The following PROZ variants were observed in gnomAD, a reference collection of about 807,000 sequenced individuals.
PROZ encodes the protein protein Z, vitamin K dependent plasma glycoprotein, also known as vitamin K-dependent protein Z.
Under a neutral mutation model 34.9 loss-of-function variants are expected in PROZ, and 46 were observed. The ratio of observed to expected loss-of-function variants is 1.32; its 90% CI spans 1.04 to 1.69. The LOEUF (loss-of-function observed/expected upper bound fraction) is 1.69. Among genes scored for constraint, PROZ ranks in the 40% most tolerant of loss-of-function variants. PROZ has a pLI of 0.00. For synonymous variants in PROZ, 195 were observed against 208.5 expected (o/e 0.94, Z 0.56); for missense variants, 530 against 520.4 (o/e 1.02, Z -0.18).
Position 113,165,189 on chromosome 13 carries a change from T to C in PROZ, c.573+69T>C, listed in dbSNP as rs948933595. 3.7e-5 allele frequency: 56 copies of C among 1,496,566 alleles called. No homozygotes were observed. The Admixed American group carries it at 5.0e-4, about 13-fold the overall frequency. The allele number at this position is 1,496,566 out of a possible 1,614,324, so 92.7% of individuals were successfully genotyped here. ...TTCACCTCACTTGTCATTTCCTAAA[T>C]AGAAATGTTGACAACTAAGTGAATC... is the stretch of plus-strand genomic sequence containing the variant. On this transcript the variant is annotated intron_variant, in intron 6 of 7. Transcript: ENST00000375547.
rs375694607 is a variant in PROZ at position 113,160,158 on chromosome 13, T to C, written c.215T>C (p.Phe72Ser). ...GTCTATGAAGAAGCAAGAGAAGTGT[T>C]TGAAAATGAAGTAGTCACTGTATGT... is the stretch of plus-strand genomic sequence containing the variant. ...ICVYEEAREV[F>S]ENEVVTDEFW... Residue 72 changes from phenylalanine to serine, a missense_variant, in exon 2 of 8, where the codon TTT becomes TCT. By Grantham distance (155) the Phe-to-Ser change is radical (BLOSUM62 -2). Coordinates refer to ENST00000375547, the MANE Select transcript of PROZ (RefSeq NM_003891.3). 3.7e-6 allele frequency: 6 copies of C among 1,613,994 alleles called. No individual in the cohort carries two copies. The highest frequency in any genetic ancestry group is 1.7e-5 in the Admixed American group (1 of 59,998).
chr13:113,164,574 G>A lies in PROZ; in HGVS notation c.435G>A (p.Gln145=). The A allele has an allele frequency of 1.2e-6, 2 of 1,613,756 alleles. No individual in the cohort carries two copies. The highest frequency in any genetic ancestry group is 1.7e-6 in the Non-Finnish European group (2 of 1,180,002). Residue 145 remains glutamine, a synonymous_variant, in exon 5 of 8, where the codon CAG becomes CAA. Transcript: ENST00000375547. ...GTCAACACTTCTGCCTCCCAGGACA[G>A]GAATCCTACACATGCAGCTGTGCTC... is the stretch of plus-strand genomic sequence containing the variant. The part of the protein sequence containing the change: ...DGCQHFCLPG[Q]ESYTCSCAQG...
Position 113,172,338 on chromosome 13 carries a change from A to G in PROZ, c.*233A>G, listed in dbSNP as rs45613935. On this transcript the variant is annotated 3_prime_UTR_variant, in exon 8 of 8. Transcript: ENST00000375547. ...CTCAATAGAGACCTTAAAAGAAAACATGAGATACGTTAAATAATAAAATAA... is the reference window on the plus strand; with the variant it reads ...CTCAATAGAGACCTTAAAAGAAAACGTGAGATACGTTAAATAATAAAATAA... 1.2e-3 allele frequency: 684 copies of G among 576,774 alleles called. 2 individuals are homozygous for G. Among genetic ancestry groups the G allele is most frequent in the South Asian group, 3.0e-3 (149 of 50,296 alleles). 35.7% of individuals were successfully genotyped at this position (576,774 alleles called of 1,614,324 possible).
rs2138570439 is a variant in PROZ at position 113,158,834 on chromosome 13, C to G, written c.70+104C>G. The stretch of plus-strand genomic sequence containing the variant: ...GCTTTTTCCAGGAGCCAGAGGAGCC[C>G]TGAGTGCCCAGACTAGTCTTAATTC... On this transcript the variant is annotated intron_variant, in intron 1 of 7. Coordinates refer to ENST00000375547, the MANE Select transcript of PROZ (RefSeq NM_003891.3). This position sits in a 1 kb window ranked among gnomAD's most constrained non-coding sequence, Gnocchi z 4.3. The G allele has an allele frequency of 8.7e-7, 1 of 1,154,204 alleles. No homozygotes were observed. The highest frequency in any genetic ancestry group is 2.5e-5 in the East Asian group (1 of 39,336). The allele number at this position is 1,154,204 out of a possible 1,614,324, so 71.5% of individuals were successfully genotyped here.
intron 2 of PROZ, among the ~76,000 whole-genome samples, 160 bp from the exon 3 acceptor site, chr13:113,160,786 AAC>A (rs1360397816): frequency 6.6e-6 from 1 of 152,214 alleles, no homozygotes; most frequent in Non-Finnish European, 1.5e-5. Flanking sequence ...ATTTAACATA[AAC>A]AAATAGGCTG....
Position 113,158,668 on chromosome 13 carries a change from G to A in PROZ, c.8G>A (p.Gly3Asp), listed in dbSNP as rs2036704785. Residue 3 changes from glycine to aspartate, a missense_variant, in exon 1 of 8, where the codon GGC (glycine) becomes GAC (aspartate). Transcript: ENST00000375547. The surrounding 1 kb of genome is among the most constrained non-coding windows in gnomAD (Gnocchi z 4.3). Reference protein sequence around the residue: MAGCVPLLQGLVL... With the variant: MADCVPLLQGLVL... ...CCAGCGCTCCGGGTGGGAATGGCAG[G>A]CTGCGTCCCACTGCTCCAGGGCCTG... The A allele has an allele frequency of 1.2e-6, 2 of 1,603,632 alleles. No homozygotes were observed. Among genetic ancestry groups the A allele is most frequent in the Admixed American group, 3.4e-5 (2 of 59,074 alleles).
intron 3 of PROZ, 32 bp from the exon 4 acceptor site, chr13:113,162,974 TCAC>T (rs1373328604): frequency 1.5e-5 from 21 of 1,393,512 alleles, no homozygotes; most frequent in Admixed American, 8.2e-5. Flanking sequence ...CCCGTTCCTG[TCAC>T]CACCACCCCA....
rs545857272 is a variant in PROZ at position 113,159,502 on chromosome 13, G to A, written c.71-512G>A. On this transcript the variant is annotated intron_variant, in intron 1 of 7. Transcript: ENST00000375547. The surrounding 1 kb of genome is among the most constrained non-coding windows in gnomAD (Gnocchi z 4.6). The stretch of plus-strand genomic sequence containing the variant: ...GAACATGCTTTGGGACCCTCAGGTG[G>A]GAAGAGGCTCCAGAGACCACTGCCG... 4.7e-4 allele frequency among the ~76,000 whole-genome samples: 72 copies of A among 152,300 alleles called. No homozygotes were observed. The highest frequency in any genetic ancestry group is 1.7e-3 in the African/African-American group (72 of 41,564).
chr13:113,160,886 C>A, intron 2 of PROZ, 62 bp from the exon 3 acceptor site: 1 of 1,400,780 alleles, frequency 7.1e-7, no homozygotes, highest in Non-Finnish European at 1.0e-6. Flanking sequence ...AGTTCATCTA[C>A]AGGAAAGAAT....
rs148806209 is a variant in PROZ at position 113,161,558 on chromosome 13, C to T, written c.259+586C>T. On this transcript the variant is annotated intron_variant, in intron 3 of 7. Transcript: ENST00000375547. Reference sequence around the variant, plus strand: ...GGGGACAACTGGGCACAGAAGGAAGCGGGAGAGGCAGGGAAGGCCGGAGAA... The same window carrying T: ...GGGGACAACTGGGCACAGAAGGAAGTGGGAGAGGCAGGGAAGGCCGGAGAA... Among the ~76,000 whole-genome samples the T allele has an allele frequency of 8.5e-5, 13 of 152,148 alleles. 1 individual carries two copies. Among genetic ancestry groups the T allele is most frequent in the East Asian group, 1.9e-4 (1 of 5,156 alleles).
In PROZ at chr13:113,159,905, G is replaced by A. The variant is rs1227395764; in HGVS notation, c.71-109G>A. On this transcript the variant is annotated intron_variant, in intron 1 of 7. Transcript: ENST00000375547. The surrounding 1 kb of genome is among the most constrained non-coding windows in gnomAD (Gnocchi z 4.6). ...AGGCCCTCGCAGGCTGAGAGCCTGT[G>A]GAGACGGACGGGGCTGGGGCTGGCG... The A allele has an allele frequency of 3.0e-6, 4 of 1,348,534 alleles. No individual in the cohort carries two copies. The highest frequency in any genetic ancestry group is 2.9e-5 in the African/African-American group (2 of 69,752). The allele number at this position is 1,348,534 out of a possible 1,614,324, so 83.5% of individuals were successfully genotyped here. A position where few individuals can be genotyped will look rare whatever the true frequency, so the allele number is the denominator to read the frequency against.
chr13:113,169,152 C>A (rs2037036131), intron 6 of PROZ, among the ~76,000 whole-genome samples: 1 of 152,154 alleles, frequency 6.6e-6, no homozygotes, highest in Admixed American at 6.5e-5. Flanking sequence ...TTTCAAAAAT[C>A]TCCGTTCTCT....
In PROZ at chr13:113,171,673, G is replaced by C. The variant is rs749067112; in HGVS notation, c.771G>C (p.Ala257=). The part of the protein sequence containing the change: ...VHVHMRYDAD[A]GENDLSLLEL... Reference sequence around the variant, plus strand: ...TGCACATGCGGTATGACGCGGACGCGGGGGAGAATGACCTGTCACTGCTGG... The same window carrying C: ...TGCACATGCGGTATGACGCGGACGCCGGGGAGAATGACCTGTCACTGCTGG... Residue 257 remains alanine, a synonymous_variant, in exon 8 of 8, where the codon GCG becomes GCC. Coordinates refer to ENST00000375547, the MANE Select transcript of PROZ (RefSeq NM_003891.3). The surrounding 1 kb of genome is among the most constrained non-coding windows in gnomAD (Gnocchi z 5.1). 3.7e-6 allele frequency: 6 copies of C among 1,613,884 alleles called. No homozygotes were observed. Among genetic ancestry groups the C allele is most frequent in the Non-Finnish European group, 4.2e-6 (5 of 1,180,014 alleles).
At chr13:113,169,806 C>A (rs927290989) in intron 6 of PROZ, among the ~76,000 whole-genome samples, 1 of 152,222 alleles carries the variant, frequency 6.6e-6, no homozygotes, top group Non-Finnish European at 1.5e-5. Context: ...TCTTACCCGG[C>A]CATAATTAGT....
At chr13:113,167,087 A>C (rs564528844) in intron 6 of PROZ, among the ~76,000 whole-genome samples, 2 of 152,238 alleles carry the variant, frequency 1.3e-5, no homozygotes, top group African/African-American at 2.4e-5. Flanking sequence ...AAACTTTGAA[A>C]AGGAGAATAA....
chr13:113,165,339 CT>C (rs919362631), intron 6 of PROZ, among the ~76,000 whole-genome samples: 2 of 152,176 alleles, frequency 1.3e-5, no homozygotes, highest in Non-Finnish European at 2.9e-5. Flanking sequence ...CCCCCAAGAC[CT>C]TTCCTCTGCA....
rs1566929100 is a variant in PROZ, at chr13:113,165,013, G to A, written c.506-40G>A. On this transcript the variant is annotated intron_variant, in intron 5 of 7. Transcript: ENST00000375547. ...GACAGAGTCCGATATTCGCTGAGAAGGCGCTGATTTTTATTCTCATGTTGC... is the reference window on the plus strand; with the variant it reads ...GACAGAGTCCGATATTCGCTGAGAAAGCGCTGATTTTTATTCTCATGTTGC... 3 of 1,594,820 alleles carry A rather than the reference G, an allele frequency of 1.9e-6. No individual in the cohort carries two copies. In the South Asian group the frequency reaches 3.3e-5, roughly 18 times the overall value.
Position 113,160,076 on chromosome 13 carries a change from C to G in PROZ, c.133C>G (p.Leu45Val), listed in dbSNP as rs952086434. 2.5e-6 allele frequency: 4 copies of G among 1,614,072 alleles called. No homozygotes were observed. The highest frequency in any genetic ancestry group is 3.4e-6 in the Non-Finnish European group (4 of 1,180,034). The change falls in exon 2 of 8, where the codon CTT becomes GTT. Residue 45 changes from leucine (L) to valine (V), a missense_variant. Coordinates refer to ENST00000375547, the MANE Select transcript of PROZ (RefSeq NM_003891.3). The part of the protein sequence containing the change: ...LVRWKRAGSY[L>V]LEELFEGNLE... ...GAGGTGGAAGCGTGCGGGCTCCTAT[C>G]TTCTGGAAGAACTCTTCGAGGGAAA...
At chr13:113,168,885 C>T (rs372692349) in intron 6 of PROZ, among the ~76,000 whole-genome samples, 4 of 152,112 alleles carry the variant, frequency 2.6e-5, no homozygotes, top group Non-Finnish European at 5.9e-5. Flanking sequence ...TGCACGACCA[C>T]ACACAGCTAA....
Sources: allele counts gnomAD v4.1 joint callset (sites outside exome capture counted in the v4.1 genomes callset), GRCh38; gene constraint gnomAD v4.1.1; non-coding constraint Gnocchi (gnomAD v3.1); transcripts MANE v1.5; gene names NCBI Gene and HGNC (gene_info 2026-07-23, HGNC 2026-07-21).